The following WDR19 variants were observed in gnomAD, a reference collection of about 807,000 sequenced individuals.
WDR19 encodes the protein WD repeat-containing protein 19.
Under a neutral mutation model 180.0 loss-of-function variants are expected in WDR19, and 121 were observed. The observed-to-expected ratio is 0.67, with a 90% CI of 0.58 to 0.78. The LOEUF is 0.78. WDR19 is among the 30% of genes least tolerant of loss of function. WDR19 has a pLI of 0.00. For synonymous variants in WDR19, 497 were observed against 540.7 expected (o/e 0.92, Z 1.12); for missense variants, 1,450 against 1,640.7 (o/e 0.88, Z 2.01).
intron 5 of WDR19, among the ~76,000 whole-genome samples, chr4:39,195,390 ACAAAC>A (rs1726643513): frequency 3.2e-5 from 4 of 125,220 alleles, no homozygotes; most frequent in Non-Finnish European, 5.1e-5. Context: ...AAAAAAACAA[ACAAAC>A]AAAAAAAAAC....
chr4:39,229,246 G>C (rs964172384), intron 17 of WDR19, among the ~76,000 whole-genome samples: 2 of 152,066 alleles, frequency 1.3e-5, no homozygotes, highest in Non-Finnish European at 2.9e-5. Flanking sequence ...TTGCTATTGT[G>C]AATAGTGCTG....
intron 36 of WDR19, among the ~76,000 whole-genome samples, chr4:39,282,131 A>G (rs1011610925): frequency 1.3e-5 from 2 of 152,200 alleles, no homozygotes; most frequent in Non-Finnish European, 2.9e-5. Flanking sequence ...CTTCATCTCT[A>G]TCATATAATT....
intron 24 of WDR19, among the ~76,000 whole-genome samples, chr4:39,247,932 A>G (rs1035341374): frequency 2.6e-5 from 4 of 152,226 alleles, no homozygotes; most frequent in Admixed American, 2.6e-4. Flanking sequence ...AACACTCTGC[A>G]GGATATTATC....
chr4:39,264,968 A>T (rs2109479099), intron 28 of WDR19, among the ~76,000 whole-genome samples: 1 of 146,716 alleles, frequency 6.8e-6, no homozygotes, highest in Admixed American at 6.9e-5. Context: ...CCCAGGCCGG[A>T]GTGCAGGGAC....
intron 7 of WDR19, among the ~76,000 whole-genome samples, chr4:39,204,718 T>C (rs1269686087): frequency 1.3e-5 from 2 of 152,280 alleles, no homozygotes; most frequent in East Asian, 3.9e-4. Flanking sequence ...GAACCAATGA[T>C]GATATAAAAG....
chr4:39,194,556 T>C lies in WDR19; in HGVS notation c.303T>C (p.Ser101=). 6.2e-7 allele frequency: 1 copy of C among 1,611,136 alleles called. No homozygotes were observed. The highest frequency in any genetic ancestry group is 1.1e-5 in the South Asian group (1 of 90,612). The change falls in exon 5 of 37, where the codon TCT becomes TCC. Residue 101 remains serine, a synonymous_variant. Coordinates refer to ENST00000399820, the MANE Select transcript of WDR19 (RefSeq NM_025132.4). ...CTTAATGTTACAGGGATCAAATGTC[T>C]TTCCTTCTTTGGTCAAAAGTTGGAA... ...QLDNGMRDQM[S]FLLWSKVGSF...
intron 5 of WDR19, 52 bp from the exon 6 acceptor site, chr4:39,199,425 AT>A (rs1428820046): frequency 2.8e-6 from 4 of 1,416,234 alleles, no homozygotes; most frequent in East Asian, 2.3e-5. Context: ...GGCATCACAG[AT>A]TTTTTTCTTT....
At chr4:39,245,944 C>T (rs1277038591) in intron 24 of WDR19, among the ~76,000 whole-genome samples, 1 of 152,066 alleles carries the variant, frequency 6.6e-6, no homozygotes, top group African/African-American at 2.4e-5. Context: ...TAAAATATAG[C>T]AATGGATAGT....
At chr4:39,254,927 C>T (rs1469772177) in intron 26 of WDR19, among the ~76,000 whole-genome samples, 1 of 151,880 alleles carries the variant, frequency 6.6e-6, no homozygotes, top group Non-Finnish European at 1.5e-5. Context: ...ACGAAATGAC[C>T]ATAAGAATTG....
chr4:39,205,310 A>T, intron 8 of WDR19, 44 bp downstream of exon 8: 4 of 1,450,674 alleles, frequency 2.8e-6, no homozygotes, highest in Non-Finnish European at 3.8e-6. Flanking sequence ...TCATTACAGA[A>T]GGACATCTGT....
At chr4:39,199,215 G>A (rs1015925996) in intron 5 of WDR19, among the ~76,000 whole-genome samples, 22 of 152,132 alleles carry the variant, frequency 1.4e-4, no homozygotes, top group African/African-American at 4.6e-4. Flanking sequence ...TATGATAAAC[G>A]AAGAAATCTT....
intron 5 of WDR19, among the ~76,000 whole-genome samples, chr4:39,198,539 C>T (rs372190979): frequency 2.7e-5 from 4 of 149,720 alleles, no homozygotes; most frequent in East Asian, 2.0e-4. Flanking sequence ...CCAGCCTGGG[C>T]GACAGAGCGA....
chr4:39,208,360 G>T (rs1419609287), intron 9 of WDR19, among the ~76,000 whole-genome samples: 4 of 143,622 alleles, frequency 2.8e-5, no homozygotes, highest in Admixed American at 1.4e-4. Flanking sequence ...AGGCTGGAGT[G>T]CAGTGGCATG....
At chr4:39,203,098 TTTTCTTTTTC>T (rs758535490) in intron 6 of WDR19, among the ~76,000 whole-genome samples, 1 of 129,108 alleles carries the variant, frequency 7.7e-6, no homozygotes, top group Non-Finnish European at 1.6e-5. Context: ...CCTTTTTCCT[TTTTCTTTTTC>T]TTTCTTTTTT....
intron 4 of WDR19, among the ~76,000 whole-genome samples, chr4:39,190,423 G>T (rs1227401979): frequency 6.6e-6 from 1 of 152,156 alleles, no homozygotes; most frequent in Non-Finnish European, 1.5e-5. Flanking sequence ...TTTCCAATAT[G>T]GAAAAGAAAA....
intron 14 of WDR19, among the ~76,000 whole-genome samples, chr4:39,220,724 G>T (rs1314464469): frequency 1.3e-5 from 2 of 150,550 alleles, no homozygotes; most frequent in Non-Finnish European, 3.0e-5. Context: ...TGGCCAGGCT[G>T]GTCTTGAACT....
At chr4:39,248,645 G>A (rs1379529754) in intron 24 of WDR19, among the ~76,000 whole-genome samples, 1 of 152,078 alleles carries the variant, frequency 6.6e-6, no homozygotes, top group Admixed American at 6.6e-5. Flanking sequence ...TCAAAATAAA[G>A]GGATGGAGGA....
At chr4:39,268,686 A>G (rs887756357) in intron 30 of WDR19, among the ~76,000 whole-genome samples, 1 of 152,216 alleles carries the variant, frequency 6.6e-6, no homozygotes, top group Non-Finnish European at 1.5e-5. Context: ...ATAAGTCATT[A>G]CTTTATTCAG....
Position 39,199,655 on chromosome 4 carries a change from G to T in WDR19, c.522+62G>T, listed in dbSNP as rs998203333. On this transcript the variant is annotated intron_variant, in intron 6 of 36. Coordinates refer to ENST00000399820, the MANE Select transcript of WDR19 (RefSeq NM_025132.4). The stretch of plus-strand genomic sequence containing the variant: ...AGCTTTCCCCCCAAATAAATAGTTT[G>T]TCTGTCAAACTAATCTATACAATTT... The T allele has an allele frequency of 4.4e-6, 6 of 1,363,960 alleles. No homozygotes were observed. In the African/African-American group the frequency reaches 5.8e-5, roughly 13 times the overall value. The allele number at this position is 1,363,960 out of a possible 1,614,324, so 84.5% of individuals were successfully genotyped here. A position where few individuals can be genotyped will look rare whatever the true frequency, so the allele number is the denominator to read the frequency against.
Sources: gnomAD v4.1 joint callset for allele counts (sites outside exome capture counted in the v4.1 genomes callset) on GRCh38, gnomAD v4.1.1 for gene constraint, MANE v1.5 for transcripts, NCBI Gene and HGNC (gene_info 2026-07-23, HGNC 2026-07-21) for gene names.